HTR2C: variants seen among roughly 807,000 people sequenced by gnomAD.
HTR2C encodes the protein 5-hydroxytryptamine (serotonin) receptor 2C, G protein-coupled.
In HTR2C, 5 loss-of-function variants were observed where a neutral mutation model predicts 21.0. The observed-to-expected ratio is 0.24, with a 90% CI of 0.12 to 0.50. HTR2C has a LOEUF of 0.50. Among genes scored for constraint, HTR2C ranks in the 20% least tolerant of loss-of-function variants. The probability of loss-of-function intolerance (pLI) is 0.98; values close to 1 mark genes in which losing one functional copy is unlikely to be tolerated. For synonymous variants in HTR2C, 150 were observed against 145.3 expected (o/e 1.03, Z -0.23); for missense variants, 271 against 371.2 (o/e 0.73, Z 2.22).
intron 5 of HTR2C, among the ~76,000 whole-genome samples, chrX:114,891,083 T>C (rs1296611633): frequency 9.3e-6 from 1 of 107,976 alleles, no homozygotes; most frequent in Non-Finnish European, 1.9e-5. Flanking sequence ...ATCAAGTGAA[T>C]TTTTTTTTTG....
intron 2 of HTR2C, among the ~76,000 whole-genome samples, chrX:114,627,005 G>A (rs781967382): frequency 2.7e-5 from 3 of 111,598 alleles, no homozygotes; most frequent in Non-Finnish European, 5.6e-5. Context: ...AGAACATAAC[G>A]TTCTAAATTT....
At chrX:114,857,614 T>C (rs2070973322) in intron 5 of HTR2C, among the ~76,000 whole-genome samples, 1 of 111,586 alleles carries the variant, frequency 9.0e-6, no homozygotes, top group African/African-American at 3.3e-5. Context: ...TTTTGTATAG[T>C]CTAGATAAGA....
rs782427492 is a variant in HTR2C at position 114,730,897 on chromosome X, G to A, written c.36-397G>A. ...AGACTTTGAAATCAGTGGGACCTGAGTATGGACCCTGGCCCCGCCACTTAC... is the reference window on the plus strand; with the variant it reads ...AGACTTTGAAATCAGTGGGACCTGAATATGGACCCTGGCCCCGCCACTTAC... On this transcript the variant is annotated intron_variant, in intron 3 of 5. Coordinates refer to ENST00000276198, the MANE Select transcript of HTR2C (RefSeq NM_000868.4). 2.7e-5 allele frequency among the ~76,000 whole-genome samples: 3 copies of A among 111,561 alleles called. No individual in the cohort carries two copies. In the East Asian group the frequency reaches 8.5e-4, roughly 32 times the overall value.
chrX:114,766,449 G>C (rs1486763123), intron 4 of HTR2C, among the ~76,000 whole-genome samples: 2 of 110,993 alleles, frequency 1.8e-5, no homozygotes, highest in African/African-American at 6.5e-5. Context: ...TATCCTTGTT[G>C]CCATCTAAGT....
At chrX:114,803,125 C>A (rs1469654125) in intron 4 of HTR2C, among the ~76,000 whole-genome samples, 2 of 94,658 alleles carry the variant, frequency 2.1e-5, no homozygotes, top group Admixed American at 1.3e-4. Context: ...TTAATCCAGT[C>A]TATCATTGTT....
intron 5 of HTR2C, among the ~76,000 whole-genome samples, chrX:114,871,303 GT>G (rs782726844): frequency 2.1e-4 from 23 of 111,621 alleles, no homozygotes; most frequent in African/African-American, 6.8e-4. Flanking sequence ...TATTATTTTA[GT>G]TTTTTGAATG....
At chrX:114,886,827 G>A (rs1258801317) in intron 5 of HTR2C, among the ~76,000 whole-genome samples, 1 of 110,400 alleles carries the variant, frequency 9.1e-6, no homozygotes, top group Admixed American at 9.7e-5. Context: ...TTTTCCTATG[G>A]GTTCAAGTTA....
At chrX:114,839,774 A>C (rs1463245531) in intron 4 of HTR2C, among the ~76,000 whole-genome samples, 9 of 111,492 alleles carry the variant, frequency 8.1e-5, no homozygotes, top group African/African-American at 2.9e-4. Flanking sequence ...TTGCAACTGG[A>C]AGGTGAAGGA....
intron 1 of HTR2C, among the ~76,000 whole-genome samples, chrX:114,608,329 C>T (rs997882391): frequency 1.8e-5 from 2 of 111,131 alleles, no homozygotes; most frequent in Non-Finnish European, 3.8e-5. Context: ...TTAGTATACT[C>T]AGAGTTGTAT....
rs181412986 is a variant in HTR2C at position 114,738,625 on chromosome X, C to T, written c.349+7018C>T. Reference sequence around the variant, plus strand: ...ACACAGGGAGGGGAACATCACACACCGGGGCCTGTTGGGGCATAGAGGGGG... The same window carrying T: ...ACACAGGGAGGGGAACATCACACACTGGGGCCTGTTGGGGCATAGAGGGGG... On this transcript the variant is annotated intron_variant, in intron 4 of 5. Transcript: ENST00000276198. 5.5e-5 allele frequency among the ~76,000 whole-genome samples: 6 copies of T among 109,822 alleles called. 1 individual carries two copies. Among genetic ancestry groups the T allele is most frequent in the African/African-American group, 1.7e-4 (5 of 30,185 alleles).
chrX:114,751,697 T>G lies in HTR2C; in HGVS notation c.349+20090T>G, dbSNP rs2069761589. On this transcript the variant is annotated intron_variant, in intron 4 of 5. Transcript: ENST00000276198. ...CTTCAAAATGATTATTTAAAAATAATTAGGCCTTTGGGTGTCATTAAGGTA... is the reference window on the plus strand; with the variant it reads ...CTTCAAAATGATTATTTAAAAATAAGTAGGCCTTTGGGTGTCATTAAGGTA... Among the ~76,000 whole-genome samples the G allele has an allele frequency of 2.7e-5, 3 of 111,815 alleles. No homozygotes were observed. The South Asian group carries it at 1.1e-3, about 42-fold the overall frequency.
chrX:114,833,776 C>G (rs1191912182), intron 4 of HTR2C, among the ~76,000 whole-genome samples: 1 of 111,049 alleles, frequency 9.0e-6, no homozygotes, highest in Non-Finnish European at 1.9e-5. Flanking sequence ...TTTTCTAGTT[C>G]TTTCAATTGT....
intron 4 of HTR2C, among the ~76,000 whole-genome samples, chrX:114,787,151 G>A (rs1556442329): frequency 9.0e-6 from 1 of 111,729 alleles, no homozygotes; most frequent in East Asian, 2.8e-4. Context: ...TTTCTGGACC[G>A]CATTATATCC....
chrX:114,675,991 C>A (rs1355829104), intron 2 of HTR2C, among the ~76,000 whole-genome samples: 3 of 108,254 alleles, frequency 2.8e-5, no homozygotes, highest in Admixed American at 1.0e-4. Context: ...TGCCTCGGCC[C>A]CCCAAGTAGT....
chrX:114,606,226 C>T (rs973501595), intron 1 of HTR2C, among the ~76,000 whole-genome samples: 9 of 110,582 alleles, frequency 8.1e-5, no homozygotes, highest in South Asian at 3.9e-4. Flanking sequence ...CGGGACTTGC[C>T]GCTAAGGGTG....
At chrX:114,735,075 C>T (rs928408911) in intron 4 of HTR2C, among the ~76,000 whole-genome samples, 1 of 110,719 alleles carries the variant, frequency 9.0e-6, no homozygotes, top group African/African-American at 3.3e-5. Context: ...GAGGCCTAGG[C>T]GGGCGGATCA....
intron 2 of HTR2C, among the ~76,000 whole-genome samples, chrX:114,639,094 T>C (rs929688157): frequency 1.6e-4 from 18 of 111,924 alleles, no homozygotes; most frequent in Non-Finnish European, 3.2e-4. Context: ...GCTTGAGCAG[T>C]TTCATAAATG....
At chrX:114,709,409 T>C (rs1932858520) in intron 2 of HTR2C, among the ~76,000 whole-genome samples, 2 of 111,994 alleles carry the variant, frequency 1.8e-5, no homozygotes, top group South Asian at 7.3e-4. Flanking sequence ...AATAAAAAAT[T>C]GGTATGTTTT....
At chrX:114,594,210 C>T (rs376893838) in intron 1 of HTR2C, among the ~76,000 whole-genome samples, 110 of 111,596 alleles carry the variant, frequency 9.9e-4, no homozygotes, top group African/African-American at 1.6e-3. Context: ...TTTTCAGAAA[C>T]GATTAAGCCA....
Sources: allele counts gnomAD v4.1 joint callset (sites outside exome capture counted in the v4.1 genomes callset), GRCh38; gene constraint gnomAD v4.1.1; transcripts MANE v1.5; gene names NCBI Gene and HGNC (gene_info 2026-07-23, HGNC 2026-07-21).